The following MTG2 variants were observed in gnomAD, a reference collection of about 807,000 sequenced individuals.
MTG2 encodes the protein mitochondrial ribosome-associated GTPase 2.
MTG2 carries 23 observed loss-of-function variants against 28.6 expected under a neutral mutation model. The ratio of observed to expected loss-of-function variants is 0.80; its 90% CI spans 0.58 to 1.14. The LOEUF (loss-of-function observed/expected upper bound fraction) is 1.14. Ranked by LOEUF, MTG2 falls within the 50% of genes most tolerant of loss-of-function variation. MTG2 has a pLI of 0.00. For missense variants in MTG2, 539 were observed against 552.0 expected, an observed-to-expected ratio of 0.98 and a Z score of 0.24; for synonymous variants, 260 against 251.8, an observed-to-expected ratio of 1.03 and a Z score of -0.31.
At position 62,201,268 on chromosome 20, in the gene MTG2, T is replaced by C; in HGVS notation, c.*191T>C. 1.5e-6 allele frequency: 1 copy of C among 666,274 alleles called. No individual in the cohort carries two copies. The allele number at this position is 666,274 out of a possible 1,614,324, so 41.3% of individuals were successfully genotyped here. On this transcript the variant is annotated 3_prime_UTR_variant, in exon 7 of 7. Transcript: ENST00000370823. ...TCCGTGCCCCCTACCCCGCCTGCCC[T>C]CCGTATTTCCTGCACCTGTCAGCCT...
At chr20:62,198,322 C>T (rs1297752423) in intron 4 of MTG2, 20 of 529,898 alleles carry the variant, frequency 3.8e-5, no homozygotes, top group Middle Eastern at 5.1e-4. Context: ...GCGTCTCCTT[C>T]GCGAGCTGAA....
intron 1 of MTG2, among the ~76,000 whole-genome samples, chr20:62,186,678 G>C (rs1020551827): frequency 1.3e-5 from 2 of 152,008 alleles, no homozygotes; most frequent in Non-Finnish European, 2.9e-5. Context: ...ACAGGCACGT[G>C]CCACCACGCC....
At chr20:62,190,752 G>A (rs1568783415) in intron 1 of MTG2, among the ~76,000 whole-genome samples, 2 of 152,220 alleles carry the variant, frequency 1.3e-5, no homozygotes, top group Non-Finnish European at 1.5e-5. Context: ...GTGCAGCGGC[G>A]GCGGCCGCAC....
At position 62,198,780 on chromosome 20, in the gene MTG2, C is replaced by A. The variant is rs764836520; in HGVS notation, c.615C>A (p.Thr205=). 1.5e-5 allele frequency: 25 copies of A among 1,614,048 alleles called. No homozygotes were observed. The highest frequency in any genetic ancestry group is 2.7e-5 in the African/African-American group (2 of 74,954). Residue 205 remains threonine (T), a synonymous_variant, in exon 5 of 7, where the codon ACC becomes ACA. Coordinates refer to ENST00000370823, the MANE Select transcript of MTG2 (RefSeq NM_015666.4). ...FLANNNRAPV[T]CTPGQPGQQR... ...CCAACAACAACCGTGCCCCTGTGAC[C>A]TGTACCCCTGGACAGCCAGGACAGC...
chr20:62,184,966 T>C (rs1379215608), intron 1 of MTG2, among the ~76,000 whole-genome samples: 1 of 150,360 alleles, frequency 6.7e-6, no homozygotes, highest in African/African-American at 2.5e-5. Flanking sequence ...AAAAATGAGC[T>C]GGGTGTGGTG....
At chr20:62,198,545 T>G in intron 4 of MTG2, 89 bp from the exon 5 acceptor site, 1 of 1,389,060 alleles carries the variant, frequency 7.2e-7, no homozygotes, top group Non-Finnish European at 9.9e-7. Context: ...TCTTGTCTTC[T>G]TTCCTTAGCG....
At position 62,199,312 on chromosome 20, in the gene MTG2, A is replaced by G. The variant is rs2058120027; in HGVS notation, c.826+55A>G. 9 of 1,571,470 alleles carry G rather than the reference A, an allele frequency of 5.7e-6. No homozygotes were observed. In the South Asian group the frequency reaches 9.1e-5, roughly 16 times the overall value. On this transcript the variant is annotated intron_variant, in intron 6 of 6. Transcript: ENST00000370823. ...AGATTTAAATGATGTAATTCAGAAAAGTAATGATGTAACTCTTAAATTTAG... is the reference window on the plus strand; with the variant it reads ...AGATTTAAATGATGTAATTCAGAAAGGTAATGATGTAACTCTTAAATTTAG...
chr20:62,187,710 G>C (rs1433370320), intron 1 of MTG2, among the ~76,000 whole-genome samples: 2 of 152,182 alleles, frequency 1.3e-5, no homozygotes, highest in African/African-American at 4.8e-5. Flanking sequence ...GACAGTGGAG[G>C]TTTGCGCTCT....
chr20:62,197,028 G>A lies in MTG2; in HGVS notation c.353-824G>A, dbSNP rs149940923. ...GCCTCGGCAACAAGAGTGAAACTCC[G>A]TCTCAAAAAAATAAAAACATAAAAC... On this transcript the variant is annotated intron_variant, in intron 3 of 6. Transcript: ENST00000370823. 3.0e-3 allele frequency among the ~76,000 whole-genome samples: 454 copies of A among 151,862 alleles called. 1 individual carries two copies. The highest frequency in any genetic ancestry group is 9.5e-3 in the African/African-American group (395 of 41,406).
Position 62,199,164 on chromosome 20 carries a change from T to C in MTG2, c.733T>C (p.Ser245Pro). 1 of 1,614,106 alleles carries C rather than the reference T, an allele frequency of 6.2e-7. No individual in the cohort carries two copies. The highest frequency in any genetic ancestry group is 1.1e-5 in the South Asian group (1 of 91,088). ...AGKSSLLRAI[S>P]NARPAVASYP... ...GAAGTCCTCACTGCTCCGGGCCATTTCAAACGCCAGACCCGCCGTGGCTTC... is the reference window on the plus strand; with the variant it reads ...GAAGTCCTCACTGCTCCGGGCCATTCCAAACGCCAGACCCGCCGTGGCTTC... The change falls in exon 6 of 7, where the codon TCA becomes CCA. Residue 245 changes from serine (S) to proline (P), a missense_variant. Coordinates refer to ENST00000370823, the MANE Select transcript of MTG2 (RefSeq NM_015666.4).
chr20:62,202,097 CCGTCGAGACTGCAGCAGCG>C lies in MTG2; in HGVS notation c.*1022_*1040del, dbSNP rs1482578562. On this transcript the variant is annotated 3_prime_UTR_variant, in exon 7 of 7. Coordinates refer to ENST00000370823, the MANE Select transcript of MTG2 (RefSeq NM_015666.4). ...GCAGCTGAGGGGGCCCTGCATTTGA[CCGTCGAGACTGCAGCAGCG>C]CCTTTCCTGTCTGTGGTTTAAGTCT... 6.6e-6 allele frequency: 1 copy of C among 152,336 alleles called. No homozygotes were observed. The highest frequency in any genetic ancestry group is 1.5e-5 in the Non-Finnish European group (1 of 68,122). 9.4% of individuals were successfully genotyped at this position (152,336 alleles called of 1,614,324 possible). A position where few individuals can be genotyped will look rare whatever the true frequency, so the allele number is the denominator to read the frequency against.
rs2145873832 is a variant in MTG2, at chr20:62,201,961, CG to C, written c.*886del. 1 of 152,306 alleles carries C rather than the reference CG, an allele frequency of 6.6e-6. No individual in the cohort carries two copies. The highest frequency in any genetic ancestry group is 1.9e-4 in the East Asian group (1 of 5,168). The allele number at this position is 152,306 out of a possible 1,614,324, so 9.4% of individuals were successfully genotyped here. On this transcript the variant is annotated 3_prime_UTR_variant, in exon 7 of 7. Transcript: ENST00000370823. Reference sequence around the variant, plus strand: ...GAGACGTGTGCCTGGTAATATGGGGCGGAATTTCCACTCAGCTCCATTTGCT... The same window carrying C: ...GAGACGTGTGCCTGGTAATATGGGGCGAATTTCCACTCAGCTCCATTTGCT...
chr20:62,193,057 A>G (rs1251696261), intron 1 of MTG2, among the ~76,000 whole-genome samples: 2 of 152,232 alleles, frequency 1.3e-5, no homozygotes, highest in Non-Finnish European at 2.9e-5. Context: ...ATTTTAATAA[A>G]TGGGTGTTTT....
At chr20:62,199,539 G>A (rs1041168285) in intron 6 of MTG2, among the ~76,000 whole-genome samples, 1 of 151,066 alleles carries the variant, frequency 6.6e-6, no homozygotes, top group African/African-American at 2.4e-5. Flanking sequence ...CCAGCTACTT[G>A]GGAGGCTGAG....
At chr20:62,198,422 A>G (rs762414484) in intron 4 of MTG2, among the ~76,000 whole-genome samples, 8 of 152,204 alleles carry the variant, frequency 5.3e-5, no homozygotes, top group Non-Finnish European at 1.2e-4. Context: ...GTGCAGTCAG[A>G]AGGGTGTGTA....
At chr20:62,186,784 C>G (rs2057858851) in intron 1 of MTG2, among the ~76,000 whole-genome samples, 1 of 152,090 alleles carries the variant, frequency 6.6e-6, no homozygotes, top group Non-Finnish European at 1.5e-5. Context: ...CCACCTCGGC[C>G]TCCCAAAGTG....
intron 1 of MTG2, among the ~76,000 whole-genome samples, chr20:62,188,390 A>G (rs1299798515): frequency 6.6e-6 from 1 of 151,946 alleles, no homozygotes; most frequent in African/African-American, 2.4e-5. Flanking sequence ...GCTGGAGTGC[A>G]GTGTGTGATC....
intron 2 of MTG2, among the ~76,000 whole-genome samples, chr20:62,194,368 G>A (rs1447811045): frequency 1.3e-5 from 2 of 152,224 alleles, no homozygotes; most frequent in Non-Finnish European, 2.9e-5. Context: ...AATAGCTGAA[G>A]CGTTAGCACA....
In MTG2 at chr20:62,201,793, C is replaced by T. The variant is rs1351923344; in HGVS notation, c.*716C>T. ...CCTCAGGCTTCACGACTGAATGCAC[C>T]CAATATCCGACCTGGCTGCGTGTTT... is the stretch of plus-strand genomic sequence containing the variant. On this transcript the variant is annotated 3_prime_UTR_variant, in exon 7 of 7. Transcript: ENST00000370823. 3 of 152,314 alleles carry T rather than the reference C, an allele frequency of 2.0e-5. No individual in the cohort carries two copies. The highest frequency in any genetic ancestry group is 2.1e-4 in the South Asian group (1 of 4,836). 9.4% of individuals were successfully genotyped at this position (152,314 alleles called of 1,614,324 possible).
Sources: gnomAD v4.1 joint callset for allele counts (sites outside exome capture counted in the v4.1 genomes callset) on GRCh38, gnomAD v4.1.1 for gene constraint, MANE v1.5 for transcripts, NCBI Gene and HGNC (gene_info 2026-07-23, HGNC 2026-07-21) for gene names.